TMEM245: variants seen among roughly 807,000 people sequenced by gnomAD.
TMEM245 encodes the protein transmembrane protein 245.
TMEM245 carries 69 observed loss-of-function variants against 101.2 expected under a neutral mutation model. The observed-to-expected ratio is 0.68, with a 90% CI of 0.56 to 0.83. TMEM245 has a LOEUF of 0.83. TMEM245 is among the 40% of genes least tolerant of loss of function. TMEM245 has a pLI of 0.00. For synonymous variants in TMEM245, 537 were observed against 449.8 expected (o/e 1.19, Z -2.45); for missense variants, 1,075 against 1,092.8 (o/e 0.98, Z 0.23).
chr9:109,116,855 G>A (rs1184155837), intron 1 of TMEM245, among the ~76,000 whole-genome samples: 2 of 152,040 alleles, frequency 1.3e-5, no homozygotes, highest in African/African-American at 4.8e-5. Flanking sequence ...ATAAGAGCAA[G>A]GACTCCTTGT....
At chr9:109,116,852 C>T (rs1830736627) in intron 1 of TMEM245, among the ~76,000 whole-genome samples, 1 of 151,954 alleles carries the variant, frequency 6.6e-6, no homozygotes, top group South Asian at 2.1e-4. Flanking sequence ...TGGATAAGAG[C>T]AAGGACTCCT....
chr9:109,060,270 TG>T, intron 11 of TMEM245, 83 bp downstream of exon 11: 1 of 972,606 alleles, frequency 1.0e-6, no homozygotes, highest in Non-Finnish European at 1.5e-6. Context: ...GAAATCCCAC[TG>T]TGAATATAAT....
chr9:109,051,488 A>G (rs974532049), intron 12 of TMEM245, among the ~76,000 whole-genome samples: 1 of 152,198 alleles, frequency 6.6e-6, no homozygotes, highest in African/African-American at 2.4e-5. Context: ...TAAATGGTAA[A>G]GCCTAGCACA....
intron 14 of TMEM245, 51 bp downstream of exon 14, chr9:109,050,232 A>G: frequency 1.2e-6 from 2 of 1,604,222 alleles, no homozygotes. Flanking sequence ...CAGGCTTATC[A>G]TGGAAAAAAA....
intron 9 of TMEM245, among the ~76,000 whole-genome samples, chr9:109,071,562 C>T (rs1275255059): frequency 6.6e-6 from 1 of 151,124 alleles, no homozygotes; most frequent in South Asian, 2.1e-4. Context: ...CATGATTGTG[C>T]CACTTTAATC....
At chr9:109,057,914 G>T in intron 11 of TMEM245, among the ~76,000 whole-genome samples, 1 of 143,082 alleles carries the variant, frequency 7.0e-6, no homozygotes, top group African/African-American at 2.6e-5. Flanking sequence ...ACACTAAACA[G>T]CATTTACTTT....
chr9:109,066,022 A>G (rs1013123448), intron 9 of TMEM245, among the ~76,000 whole-genome samples: 51 of 152,354 alleles, frequency 3.3e-4, no homozygotes, highest in Middle Eastern at 6.8e-3. Context: ...CCAGAAAAAA[A>G]TAAGAGATCT....
chr9:109,067,393 C>T (rs567027970), intron 9 of TMEM245, among the ~76,000 whole-genome samples: 24 of 152,248 alleles, frequency 1.6e-4, no homozygotes, highest in Admixed American at 1.4e-3. Context: ...CACTAACTCC[C>T]CTACTCACTC....
intron 1 of TMEM245, among the ~76,000 whole-genome samples, chr9:109,114,109 C>G (rs950060781): frequency 6.6e-6 from 1 of 152,160 alleles, no homozygotes; most frequent in Non-Finnish European, 1.5e-5. Flanking sequence ...ACCACAACTA[C>G]AAACCTCCTC....
chr9:109,085,274 T>C (rs985910473), intron 7 of TMEM245, among the ~76,000 whole-genome samples: 9 of 152,246 alleles, frequency 5.9e-5, no homozygotes, highest in Admixed American at 5.9e-4. Context: ...CCTGGCTATT[T>C]AATTCATTAA....
chr9:109,026,732 C>G (rs1045842388), intron 17 of TMEM245, among the ~76,000 whole-genome samples: 2 of 151,234 alleles, frequency 1.3e-5, no homozygotes, highest in Non-Finnish European at 2.9e-5. Flanking sequence ...AAGGTGAGGC[C>G]TAGTGGGAGG....
At chr9:109,061,741 G>C (rs1247931559) in intron 10 of TMEM245, among the ~76,000 whole-genome samples, 3 of 151,882 alleles carry the variant, frequency 2.0e-5, no homozygotes, top group African/African-American at 4.8e-5. Flanking sequence ...GTTAATTTTT[G>C]TATTTTTAGT....
Position 109,017,437 on chromosome 9 carries a change from T to C in TMEM245, c.*3023A>G, listed in dbSNP as rs1827482874. ...GATCACTTGCAGGAACAGATATTGA[T>C]AGGAACTTCAGAACTCAAACAGCAC... On this transcript the variant is annotated 3_prime_UTR_variant, in exon 18 of 18. Coordinates refer to ENST00000374586, the MANE Select transcript of TMEM245 (RefSeq NM_032012.4). 6.6e-6 allele frequency: 1 copy of C among 152,174 alleles called. No homozygotes were observed. Among genetic ancestry groups the C allele is most frequent in the Non-Finnish European group, 1.5e-5 (1 of 68,038 alleles). The allele number at this position is 152,174 out of a possible 1,614,324, so 9.4% of individuals were successfully genotyped here. A position where few individuals can be genotyped will look rare whatever the true frequency, so the allele number is the denominator to read the frequency against.
intron 14 of TMEM245, among the ~76,000 whole-genome samples, chr9:109,044,792 C>G (rs1828430186): frequency 7.4e-6 from 1 of 135,290 alleles, no homozygotes; most frequent in Non-Finnish European, 1.5e-5. Context: ...GATAGAGTCT[C>G]ACTGTCGCCC....
intron 8 of TMEM245, among the ~76,000 whole-genome samples, chr9:109,080,565 G>T (rs1170551435): frequency 6.6e-6 from 1 of 151,600 alleles, no homozygotes; most frequent in Non-Finnish European, 1.5e-5. Flanking sequence ...AAAAACAAGC[G>T]CCACTTGTTC....
chr9:109,049,009 GGAGCAAAGCTAAAACTCCT>G (rs1828589212), intron 14 of TMEM245, among the ~76,000 whole-genome samples: 1 of 152,202 alleles, frequency 6.6e-6, no homozygotes, highest in African/African-American at 2.4e-5. Context: ...CTCTCCTTCT[GGAGCAAAGCTAAAACTCCT>G]GACAGCAGAG....
In TMEM245 at chr9:109,106,609, G is replaced by A. The variant is rs779330961; in HGVS notation, c.698C>T (p.Ala233Val). 6.2e-6 allele frequency: 10 copies of A among 1,600,752 alleles called. No homozygotes were observed. The highest frequency in any genetic ancestry group is 1.7e-4 in the Middle Eastern group (1 of 6,020). Residue 233 changes from alanine to valine, a missense_variant and splice_region_variant, in exon 3 of 18, where the codon GCA (alanine) becomes GTA (valine). Transcript: ENST00000374586. Reference protein sequence around the residue: ...PVWIILLFHLASLAGSWRIPV... With the variant: ...PVWIILLFHLVSLAGSWRIPV... ...AATTCTCCATGAGCCAGCCAGGGAT[G>A]CTGCAAATTATTAAGAATTAACATT... is the stretch of plus-strand genomic sequence containing the variant.
rs528555082 is a variant in TMEM245, at chr9:109,073,551, T to C, written c.1450-113A>G. On this transcript the variant is annotated intron_variant, in intron 8 of 17. Coordinates refer to ENST00000374586, the MANE Select transcript of TMEM245 (RefSeq NM_032012.4). ...GCTTTGAGAGCCAAATAAATACACA[T>C]CTTTGCTTTAATTAATTTAGAAACA... The C allele has an allele frequency of 3.9e-5, 29 of 738,776 alleles. 2 individuals are homozygous for C. Among genetic ancestry groups the C allele is most frequent in the South Asian group, 3.3e-4 (18 of 53,948 alleles). The allele number at this position is 738,776 out of a possible 1,614,324, so 45.8% of individuals were successfully genotyped here.
At chr9:109,065,415 G>C (rs909423635) in intron 9 of TMEM245, among the ~76,000 whole-genome samples, 1 of 152,054 alleles carries the variant, frequency 6.6e-6, no homozygotes, top group Non-Finnish European at 1.5e-5. Context: ...TACAGTTTGA[G>C]AATCACTAAT....
Sources: gnomAD v4.1 joint callset for allele counts (sites outside exome capture counted in the v4.1 genomes callset) on GRCh38, gnomAD v4.1.1 for gene constraint, MANE v1.5 for transcripts, NCBI Gene and HGNC (gene_info 2026-07-23, HGNC 2026-07-21) for gene names.